Variants in WWC2 observed in about 807,000 individuals in gnomAD.
WWC2 encodes WW and C2 domain containing 2, also known as protein WWC2.
WWC2 carries 101 observed loss-of-function variants against 138.5 expected under a neutral mutation model. The ratio of observed to expected loss-of-function variants is 0.73; its 90% CI spans 0.62 to 0.86. The LOEUF is 0.86. Among genes scored for constraint, WWC2 ranks in the 40% least tolerant of loss-of-function variants. WWC2 has a pLI of 0.00. For synonymous variants in WWC2, 558 were observed against 538.4 expected, an observed-to-expected ratio of 1.04 and a Z score of -0.50; for missense variants, 1,420 against 1,419.4, an observed-to-expected ratio of 1.00 and a Z score of -0.01.
At chr4:183,222,106 G>A (rs1471726375) in intron 4 of WWC2, among the ~76,000 whole-genome samples, 2 of 152,168 alleles carry the variant, frequency 1.3e-5, no homozygotes, top group Non-Finnish European at 2.9e-5. Flanking sequence ...CAAAAACAGT[G>A]AAAGTTTAGT....
chr4:183,247,158 AC>A (rs1281756954), intron 6 of WWC2, among the ~76,000 whole-genome samples: 1 of 152,156 alleles, frequency 6.6e-6, no homozygotes, highest in Non-Finnish European at 1.5e-5. Flanking sequence ...AATTGTGTGT[AC>A]CTATAGATAC....
At chr4:183,302,467 G>A (rs1296426078) in intron 21 of WWC2, among the ~76,000 whole-genome samples, 1 of 152,124 alleles carries the variant, frequency 6.6e-6, no homozygotes, top group East Asian at 1.9e-4. Context: ...TAGATTGCAG[G>A]CACAGGCTAC....
intron 21 of WWC2, among the ~76,000 whole-genome samples, chr4:183,307,020 C>T (rs1739045251): frequency 6.6e-6 from 1 of 151,866 alleles, no homozygotes; most frequent in Non-Finnish European, 1.5e-5. Flanking sequence ...ATATAATTGA[C>T]ATCTATAGAG....
intron 1 of WWC2, among the ~76,000 whole-genome samples, chr4:183,138,389 T>G (rs1733187244): frequency 6.6e-6 from 1 of 152,180 alleles, no homozygotes; most frequent in African/African-American, 2.4e-5. Flanking sequence ...AGATCCTAAT[T>G]AGGAAAACTC....
chr4:183,287,652 A>G (rs534274904), intron 20 of WWC2, among the ~76,000 whole-genome samples: 1 of 152,362 alleles, frequency 6.6e-6, no homozygotes. Context: ...GAATTACAGC[A>G]TAAGCAAGGT....
intron 8 of WWC2, among the ~76,000 whole-genome samples, chr4:183,251,773 G>T (rs1441530545): frequency 6.6e-6 from 1 of 152,192 alleles, no homozygotes; most frequent in African/African-American, 2.4e-5. Flanking sequence ...ATGCTGATGA[G>T]AAAGTAAATC....
At chr4:183,309,633 C>CA in intron 21 of WWC2, among the ~76,000 whole-genome samples, 1 of 152,314 alleles carries the variant, frequency 6.6e-6, no homozygotes, top group Non-Finnish European at 1.5e-5. Flanking sequence ...GATAGAAATG[C>CA]AAAATCATAC....
chr4:183,143,926 G>T (rs559268161), intron 1 of WWC2, among the ~76,000 whole-genome samples: 1 of 152,260 alleles, frequency 6.6e-6, no homozygotes, highest in Non-Finnish European at 1.5e-5. Context: ...ATTGAAGGTG[G>T]TACGTATTTT....
chr4:183,193,508 C>A, intron 1 of WWC2, 91 bp from the exon 2 acceptor site: 1 of 1,059,966 alleles, frequency 9.4e-7, no homozygotes, highest in Non-Finnish European at 1.4e-6. Flanking sequence ...ATTTTAAATG[C>A]AACCTAGACA....
At chr4:183,278,798 A>G (rs1280305670) in intron 16 of WWC2, among the ~76,000 whole-genome samples, 4 of 151,614 alleles carry the variant, frequency 2.6e-5, no homozygotes, top group Non-Finnish European at 5.9e-5. Context: ...TTGGTGTATA[A>G]GAATGCTTGT....
chr4:183,166,986 A>T (rs1296670381), intron 1 of WWC2, among the ~76,000 whole-genome samples: 1 of 152,156 alleles, frequency 6.6e-6, no homozygotes, highest in East Asian at 1.9e-4. Context: ...CCAAGGCACC[A>T]TGTGGCTGGG....
Position 183,245,546 on chromosome 4 carries a change from G to A in WWC2, c.732+1G>A. 6 of 1,583,066 alleles carry A rather than the reference G, an allele frequency of 3.8e-6. No individual in the cohort carries two copies. The highest frequency in any genetic ancestry group is 3.5e-5 in the South Asian group (3 of 85,894). On this transcript the variant is annotated splice_donor_variant, in intron 6 of 22. Transcript: ENST00000403733. LOFTEE classifies it high-confidence loss of function. ...AAAAGAAAAACAAGATCTGATGCAG[G>A]TACATTATAAAACATTTTGTTAAGC...
chr4:183,294,838 G>A (rs187242425), intron 21 of WWC2, among the ~76,000 whole-genome samples: 143 of 152,164 alleles, frequency 9.4e-4, no homozygotes, highest in African/African-American at 3.3e-3. Flanking sequence ...AGGTTTGGGG[G>A]CTGATAGAGT....
chr4:183,267,315 A>G (rs1424343482), intron 14 of WWC2, among the ~76,000 whole-genome samples: 1 of 152,200 alleles, frequency 6.6e-6, no homozygotes, highest in South Asian at 2.1e-4. Context: ...AGAAGTGCCT[A>G]GATCAACGCA....
In WWC2 at chr4:183,099,534, G is replaced by T; in HGVS notation, c.43G>T (p.Gly15Cys). 1.4e-6 allele frequency: 2 copies of T among 1,410,118 alleles called. No individual in the cohort carries two copies. Among genetic ancestry groups the T allele is most frequent in the Middle Eastern group, 1.9e-4 (1 of 5,306 alleles). 87.4% of individuals were successfully genotyped at this position (1,410,118 alleles called of 1,614,324 possible). The change falls in exon 1 of 23, where the codon GGC (glycine) becomes TGC (cysteine). Residue 15 changes from glycine to cysteine, a missense_variant. Gly to Cys is a radical substitution (Grantham distance 159). Transcript: ENST00000403733. The part of the protein sequence containing the change: ...AGSGQLPLPR[G>C]WEEARDYDGK... ...GAGCGGTCAGCTGCCGCTGCCCCGG[G>T]GCTGGGAGGAGGCCAGGGACTACGA... is the stretch of plus-strand genomic sequence containing the variant.
chr4:183,205,053 T>C (rs766313013), intron 2 of WWC2, among the ~76,000 whole-genome samples: 6 of 152,258 alleles, frequency 3.9e-5, no homozygotes, highest in Admixed American at 6.5e-5. Context: ...AGCATTTGTT[T>C]AGAGGTCTTT....
chr4:183,255,133 G>T (rs1244091798), intron 9 of WWC2, among the ~76,000 whole-genome samples: 1 of 152,166 alleles, frequency 6.6e-6, no homozygotes, highest in East Asian at 1.9e-4. Context: ...ACATGAAAAC[G>T]TATCAAAAGG....
intron 1 of WWC2, among the ~76,000 whole-genome samples, chr4:183,105,437 G>C (rs1282076150): frequency 1.3e-5 from 2 of 152,186 alleles, no homozygotes; most frequent in East Asian, 1.9e-4. Context: ...CTTTAGAGGG[G>C]CATGGCCAGC....
At chr4:183,302,507 A>C (rs565998470) in intron 21 of WWC2, among the ~76,000 whole-genome samples, 1 of 152,146 alleles carries the variant, frequency 6.6e-6, no homozygotes, top group Non-Finnish European at 1.5e-5. Flanking sequence ...GCCTGAGTCA[A>C]TGTCGACGTC....
Sources: gnomAD v4.1 joint callset for allele counts (sites outside exome capture counted in the v4.1 genomes callset) on GRCh38, gnomAD v4.1.1 for gene constraint, MANE v1.5 for transcripts, NCBI Gene and HGNC (gene_info 2026-07-23, HGNC 2026-07-21) for gene names.